TMEM33: variants seen among roughly 807,000 people sequenced by gnomAD.
TMEM33 encodes the protein transmembrane protein 33.
A neutral mutation model predicts 29.7 loss-of-function variants in TMEM33; 16 were observed. That is an observed-to-expected ratio of 0.54 (90% CI 0.36 to 0.82). The LOEUF is 0.82. Ranked by LOEUF, TMEM33 falls within the 40% of genes least tolerant of loss-of-function variation. TMEM33 has a pLI of 0.00. For missense variants in TMEM33, 252 were observed against 295.3 expected (o/e 0.85, Z 1.08); for synonymous variants, 112 against 109.4 (o/e 1.02, Z -0.15).
chr4:41,935,504 A>G lies in TMEM33; in HGVS notation c.20A>G (p.Asn7Ser). 1 of 1,609,968 alleles carries G rather than the reference A, an allele frequency of 6.2e-7. No homozygotes were observed. The highest frequency in any genetic ancestry group is 8.5e-7 in the Non-Finnish European group (1 of 1,178,250). Residue 7 changes from asparagine to serine, a missense_variant, in exon 1 of 7, where the codon AAC (asparagine) becomes AGC (serine). Transcript: ENST00000504986. The part of the protein sequence containing the change: MADTTP[N>S]GPQGAGAVQF... ...GCCCCCATGGCAGATACGACCCCGA[A>G]CGGCCCCCAAGGGGCGGGCGCTGTG... is the stretch of plus-strand genomic sequence containing the variant.
Position 41,954,479 on chromosome 4 carries a change from C to A in TMEM33, c.*280C>A. ...TAAAAAGATGCTGTTGTGCCTATAT[C>A]ATGAAGTACATTAATTTCTCATGTA... On this transcript the variant is annotated 3_prime_UTR_variant, in exon 7 of 7. Transcript: ENST00000504986. The A allele has an allele frequency of 9.9e-6, 2 of 201,526 alleles. No individual in the cohort carries two copies. The highest frequency in any genetic ancestry group is 1.0e-5 in the Non-Finnish European group (1 of 99,528). 12.5% of individuals were successfully genotyped at this position (201,526 alleles called of 1,614,324 possible).
intron 1 of TMEM33, among the ~76,000 whole-genome samples, chr4:41,938,369 A>G (rs1241206526): frequency 1.3e-5 from 2 of 152,122 alleles, no homozygotes; most frequent in African/African-American, 4.8e-5. Context: ...TTTTCTATTT[A>G]TTTCTGTTTA....
chr4:41,935,506 G>GGGGC lies in TMEM33; in HGVS notation c.23_24insGGCG (p.Pro9AlafsTer15). 1 of 1,609,674 alleles carries GGGGC rather than the reference G, an allele frequency of 6.2e-7. No individual in the cohort carries two copies. Among genetic ancestry groups the GGGGC allele is most frequent in the Non-Finnish European group, 8.5e-7 (1 of 1,178,068 alleles). On this transcript the variant is annotated frameshift_variant, in exon 1 of 7. Coordinates refer to ENST00000504986, the MANE Select transcript of TMEM33 (RefSeq NM_018126.3). LOFTEE classifies it high-confidence loss of function. ...CCCCATGGCAGATACGACCCCGAAC[G>GGGGC]GCCCCCAAGGGGCGGGCGCTGTGGT...
intron 5 of TMEM33, among the ~76,000 whole-genome samples, chr4:41,948,034 A>G (rs1712870153): frequency 6.6e-6 from 1 of 152,174 alleles, no homozygotes; most frequent in South Asian, 2.1e-4. Context: ...ATGTGTTGTG[A>G]TATGGGATAA....
At chr4:41,935,150 G>A (rs908116802), upstream of TMEM33, 1 of 435,394 alleles carries the variant, frequency 2.3e-6, no homozygotes, top group African/African-American at 2.1e-5. Context: ...TCCGGGTTCG[G>A]CAATAACCTG....
At position 41,959,796 on chromosome 4, in the gene TMEM33, CA is replaced by C. The variant is rs1461203312; in HGVS notation, c.*5600del. 7.9e-5 allele frequency: 12 copies of C among 151,990 alleles called. No homozygotes were observed. Among genetic ancestry groups the C allele is most frequent in the African/African-American group, 2.9e-4 (12 of 41,368 alleles). 9.4% of individuals were successfully genotyped at this position (151,990 alleles called of 1,614,324 possible). ...TATTGGAACAAATGTAAAAGGGTTA[CA>C]AAGATTAGAAACAGAGTCATAAAAA... On this transcript the variant is annotated 3_prime_UTR_variant, in exon 7 of 7. Coordinates refer to ENST00000504986, the MANE Select transcript of TMEM33 (RefSeq NM_018126.3).
intron 3 of TMEM33, among the ~76,000 whole-genome samples, chr4:41,943,064 T>G (rs1195771652): frequency 6.6e-6 from 1 of 152,228 alleles, no homozygotes; most frequent in Non-Finnish European, 1.5e-5. Flanking sequence ...CTACTGTGTT[T>G]GAAGGCTAAG....
intron 6 of TMEM33, among the ~76,000 whole-genome samples, chr4:41,953,352 G>C (rs1179235400): frequency 1.3e-5 from 2 of 152,206 alleles, no homozygotes; most frequent in Admixed American, 1.3e-4. Flanking sequence ...GCATACAGAA[G>C]TTATGTTTAC....
chr4:41,944,742 G>A, intron 4 of TMEM33, 51 bp from the exon 5 acceptor site: 1 of 1,592,356 alleles, frequency 6.3e-7, no homozygotes, highest in Non-Finnish European at 8.6e-7. Context: ...AGAAAATATT[G>A]TTATCAGAAA....
intron 6 of TMEM33, among the ~76,000 whole-genome samples, chr4:41,952,498 G>C (rs1381088600): frequency 1.3e-5 from 2 of 152,106 alleles, no homozygotes; most frequent in African/African-American, 4.8e-5. Flanking sequence ...ACATGATTTT[G>C]TGTATACTAG....
Position 41,959,636 on chromosome 4 carries a change from A to G in TMEM33, c.*5437A>G, listed in dbSNP as rs1052047763. On this transcript the variant is annotated 3_prime_UTR_variant, in exon 7 of 7. Coordinates refer to ENST00000504986, the MANE Select transcript of TMEM33 (RefSeq NM_018126.3). ...TTCTTTCTTTGTTCATGACAGTTTA[A>G]TTCCAAATATTTACTATTTTCTCTT... is the stretch of plus-strand genomic sequence containing the variant. The G allele has an allele frequency of 1.3e-5, 2 of 152,292 alleles. No homozygotes were observed. The highest frequency in any genetic ancestry group is 1.3e-4 in the Admixed American group (2 of 15,304). 9.4% of individuals were successfully genotyped at this position (152,292 alleles called of 1,614,324 possible). A position where few individuals can be genotyped will look rare whatever the true frequency, so the allele number is the denominator to read the frequency against.
At chr4:41,940,045 T>A (rs1712448969) in intron 3 of TMEM33, among the ~76,000 whole-genome samples, 1 of 122,184 alleles carries the variant, frequency 8.2e-6, no homozygotes, top group Admixed American at 8.7e-5. Context: ...GGTTAAACTT[T>A]CTTTTTTTTT....
At chr4:41,949,542 G>A (rs1560518836) in intron 6 of TMEM33, among the ~76,000 whole-genome samples, 157 bp downstream of exon 6, 1 of 152,130 alleles carries the variant, frequency 6.6e-6, no homozygotes, top group Admixed American at 6.5e-5. Flanking sequence ...ATGTACTGGG[G>A]TTGGTGAGGA....
Position 41,954,098 on chromosome 4 carries a change from G to A in TMEM33, c.643G>A (p.Val215Ile), listed in dbSNP as rs1713158316. 1 of 1,613,832 alleles carries A rather than the reference G, an allele frequency of 6.2e-7. No homozygotes were observed. The highest frequency in any genetic ancestry group is 1.7e-5 in the Admixed American group (1 of 60,000). Reference protein sequence around the residue: ...RTLFNELRIVVEHIIMKPACP... With the variant: ...RTLFNELRIVIEHIIMKPACP... Reference sequence around the variant, plus strand: ...CTTATTTAATGAACTGAGGATTGTTGTTGAACACATAATAATGAAACCTGC... The same window carrying A: ...CTTATTTAATGAACTGAGGATTGTTATTGAACACATAATAATGAAACCTGC... Residue 215 changes from valine to isoleucine, a missense_variant, in exon 7 of 7, where the codon GTT (valine) becomes ATT (isoleucine). Coordinates refer to ENST00000504986, the MANE Select transcript of TMEM33 (RefSeq NM_018126.3).
intron 1 of TMEM33, among the ~76,000 whole-genome samples, chr4:41,938,333 C>A (rs957024397): frequency 1.3e-5 from 2 of 152,132 alleles, no homozygotes; most frequent in Non-Finnish European, 2.9e-5. Context: ...TTAGTCTTTG[C>A]ATTTTTTTAA....
chr4:41,945,016 A>T (rs1712721540), intron 5 of TMEM33, 90 bp downstream of exon 5: 1 of 1,511,420 alleles, frequency 6.6e-7, no homozygotes, highest in East Asian at 2.3e-5. Context: ...AATCTGTTGA[A>T]GGTAGGTATT....
At chr4:41,941,549 A>T (rs1223438868) in intron 3 of TMEM33, among the ~76,000 whole-genome samples, 1 of 152,216 alleles carries the variant, frequency 6.6e-6, no homozygotes, top group Non-Finnish European at 1.5e-5. Context: ...GGTCTTGCCA[A>T]ATGAGACTCA....
At position 41,960,189 on chromosome 4, in the gene TMEM33, T is replaced by A. The variant is rs1713416064; in HGVS notation, c.*5990T>A. On this transcript the variant is annotated 3_prime_UTR_variant, in exon 7 of 7. Transcript: ENST00000504986. ...CTGACACTAAGGAAAAAGGACCTCA[T>A]TCACTCTTTCTTTTATGCAGTGATT... 6.6e-6 allele frequency: 1 copy of A among 152,186 alleles called. No individual in the cohort carries two copies. The highest frequency in any genetic ancestry group is 2.1e-4 in the South Asian group (1 of 4,832). The allele number at this position is 152,186 out of a possible 1,614,324, so 9.4% of individuals were successfully genotyped here.
intron 1 of TMEM33, among the ~76,000 whole-genome samples, chr4:41,936,017 C>T (rs1269190699): frequency 2.6e-5 from 4 of 152,170 alleles, no homozygotes; most frequent in Non-Finnish European, 5.9e-5. Context: ...AGAGAAATAT[C>T]ATTATGCTTT....
Sources: gnomAD v4.1 joint callset for allele counts (sites outside exome capture counted in the v4.1 genomes callset) on GRCh38, gnomAD v4.1.1 for gene constraint, MANE v1.5 for transcripts, NCBI Gene and HGNC (gene_info 2026-07-23, HGNC 2026-07-21) for gene names.